GTPBP10: variants seen among roughly 807,000 people sequenced by gnomAD.
GTPBP10 encodes the protein GTP-binding protein 10.
Under a neutral mutation model 44.8 loss-of-function variants are expected in GTPBP10, and 38 were observed. The observed-to-expected ratio is 0.85, with a 90% confidence interval of 0.65 to 1.11. The LOEUF is 1.11. GTPBP10 is among the 50% of genes most tolerant of loss of function. The pLI, the probability that GTPBP10 is intolerant of heterozygous loss-of-function variation, is 0.00. For missense variants in GTPBP10, 462 were observed against 453.7 expected (o/e 1.02, Z -0.17); for synonymous variants, 152 against 150.6 (o/e 1.01, Z -0.07).
In GTPBP10 at chr7:90,391,170, A is replaced by G. The variant is rs1436189366; in HGVS notation, c.*6016A>G. ...TGAGCACACATGACCTTCCTTTCCTATAAAAATATGAAGCAGAAAACTCCC... is the reference window on the plus strand; with the variant it reads ...TGAGCACACATGACCTTCCTTTCCTGTAAAAATATGAAGCAGAAAACTCCC... On this transcript the variant is annotated 3_prime_UTR_variant, in exon 10 of 10. Transcript: ENST00000222511. 1.3e-5 allele frequency: 2 copies of G among 152,336 alleles called. No homozygotes were observed. The highest frequency in any genetic ancestry group is 6.5e-5 in the Admixed American group (1 of 15,304). The allele number at this position is 152,336 out of a possible 1,614,324, so 9.4% of individuals were successfully genotyped here. A position where few individuals can be genotyped will look rare whatever the true frequency, so the allele number is the denominator to read the frequency against.
In GTPBP10 at chr7:90,385,460, A is replaced by G. The variant is rs28757775; in HGVS notation, c.*306A>G. The G allele has an allele frequency of 0.011, 2,160 of 198,236 alleles. 59 individuals are homozygous for G. The highest frequency in any genetic ancestry group is 0.046 in the African/African-American group (1,971 of 43,118). The allele number at this position is 198,236 out of a possible 1,614,324, so 12.3% of individuals were successfully genotyped here. On this transcript the variant is annotated 3_prime_UTR_variant, in exon 10 of 10. Coordinates refer to ENST00000222511, the MANE Select transcript of GTPBP10 (RefSeq NM_033107.4). ...TACAGCTTGGTGACTGTAATTAACA[A>G]CAATGTATTTTGAAAGTCACTGAGT...
intron 4 of GTPBP10, among the ~76,000 whole-genome samples, chr7:90,357,735 A>G (rs1042571905): frequency 1.3e-5 from 2 of 152,206 alleles, no homozygotes; most frequent in Non-Finnish European, 1.5e-5. Flanking sequence ...TAATGAAAAT[A>G]TATGAATGAG....
At chr7:90,376,364 A>C (rs1241251925) in intron 6 of GTPBP10, among the ~76,000 whole-genome samples, 1 of 152,188 alleles carries the variant, frequency 6.6e-6, no homozygotes, top group Non-Finnish European at 1.5e-5. Flanking sequence ...CATTAAAAGT[A>C]ATGGCCAAAA....
chr7:90,381,862 C>T (rs963011742), intron 8 of GTPBP10, among the ~76,000 whole-genome samples: 6 of 152,148 alleles, frequency 3.9e-5, no homozygotes, highest in Non-Finnish European at 7.3e-5. Flanking sequence ...TGAATATCCA[C>T]ATGCAGAGAA....
Position 90,391,192 on chromosome 7 carries a change from T to A in GTPBP10, c.*6038T>A, listed in dbSNP as rs1416309429. 6.6e-6 allele frequency: 1 copy of A among 152,126 alleles called. No homozygotes were observed. The highest frequency in any genetic ancestry group is 1.9e-4 in the East Asian group (1 of 5,200). 9.4% of individuals were successfully genotyped at this position (152,126 alleles called of 1,614,324 possible). On this transcript the variant is annotated 3_prime_UTR_variant, in exon 10 of 10. Transcript: ENST00000222511. ...CCTATAAAAATATGAAGCAGAAAAC[T>A]CCCCCATGATTTCCTCATGTTGCTT...
Position 90,346,756 on chromosome 7 carries a change from T to G in GTPBP10, c.15T>G (p.Ser5Arg). The change falls in exon 1 of 10, where the codon AGT (serine) becomes AGG (arginine). Residue 5 changes from serine to arginine, a missense_variant. Physicochemically the swap from Ser to Arg is moderately radical, Grantham distance 110. Transcript: ENST00000222511. MVHC[S>R]CVLFRKYGNF... ...CTGTTGCAGCCATGGTGCATTGCAG[T>G]TGCGTGTTGTTCAGAAAGGTCCGTG... 6.2e-7 allele frequency: 1 copy of G among 1,614,234 alleles called. No homozygotes were observed. The highest frequency in any genetic ancestry group is 2.2e-5 in the East Asian group (1 of 44,884).
intron 1 of GTPBP10, among the ~76,000 whole-genome samples, chr7:90,348,463 G>C (rs1795724405): frequency 6.6e-6 from 1 of 152,062 alleles, no homozygotes; most frequent in African/African-American, 2.4e-5. Context: ...AATTAAGCTA[G>C]AGAAAAGAAA....
intron 4 of GTPBP10, among the ~76,000 whole-genome samples, chr7:90,360,775 G>C (rs1270143108): frequency 6.6e-6 from 1 of 152,162 alleles, no homozygotes; most frequent in Admixed American, 6.5e-5. Context: ...CGATGAGCAT[G>C]GAATGTTCTT....
chr7:90,365,217 C>T (rs547487349), intron 4 of GTPBP10, among the ~76,000 whole-genome samples: 4 of 152,240 alleles, frequency 2.6e-5, no homozygotes, highest in South Asian at 2.1e-4. Context: ...TCTTCTGCAT[C>T]GCTCGCACTG....
intron 6 of GTPBP10, among the ~76,000 whole-genome samples, chr7:90,375,956 G>A (rs1278433578): frequency 6.6e-6 from 1 of 151,966 alleles, no homozygotes; most frequent in Non-Finnish European, 1.5e-5. Context: ...GCCGGGTGTG[G>A]TGGCTTACAC....
At chr7:90,350,140 G>T (rs569575860) in intron 1 of GTPBP10, among the ~76,000 whole-genome samples, 5 of 152,138 alleles carry the variant, frequency 3.3e-5, no homozygotes, top group African/African-American at 1.2e-4. Flanking sequence ...TCATTGTTCA[G>T]TTCCCACCTA....
Position 90,388,535 on chromosome 7 carries a change from AT to A in GTPBP10, c.*3382del, listed in dbSNP as rs1280905839. On this transcript the variant is annotated 3_prime_UTR_variant, in exon 10 of 10. Coordinates refer to ENST00000222511, the MANE Select transcript of GTPBP10 (RefSeq NM_033107.4). ...ACTGAAAAATTCCAAAATACCTATT[AT>A]GTTGTGCTTTTTGTGATATATATTC... The A allele has an allele frequency of 5.3e-5, 8 of 152,148 alleles. No homozygotes were observed. The highest frequency in any genetic ancestry group is 1.9e-4 in the African/African-American group (8 of 41,436). 9.4% of individuals were successfully genotyped at this position (152,148 alleles called of 1,614,324 possible). A position where few individuals can be genotyped will look rare whatever the true frequency, so the allele number is the denominator to read the frequency against.
chr7:90,385,696 G>C lies in GTPBP10; in HGVS notation c.*542G>C, dbSNP rs192156253. On this transcript the variant is annotated 3_prime_UTR_variant, in exon 10 of 10. Coordinates refer to ENST00000222511, the MANE Select transcript of GTPBP10 (RefSeq NM_033107.4). ...TTAGTATTATTACCTTCTGATATAT[G>C]TGTCATTATTGAAGAACCATACCTT... The C allele has an allele frequency of 6.6e-6, 1 of 151,758 alleles. No individual in the cohort carries two copies. The highest frequency in any genetic ancestry group is 1.9e-4 in the East Asian group (1 of 5,184). 9.4% of individuals were successfully genotyped at this position (151,758 alleles called of 1,614,324 possible).
chr7:90,390,831 A>T lies in GTPBP10; in HGVS notation c.*5677A>T, dbSNP rs1796601308. 6.6e-6 allele frequency: 1 copy of T among 152,192 alleles called. No individual in the cohort carries two copies. Among genetic ancestry groups the T allele is most frequent in the Non-Finnish European group, 1.5e-5 (1 of 68,030 alleles). The allele number at this position is 152,192 out of a possible 1,614,324, so 9.4% of individuals were successfully genotyped here. On this transcript the variant is annotated 3_prime_UTR_variant, in exon 10 of 10. Coordinates refer to ENST00000222511, the MANE Select transcript of GTPBP10 (RefSeq NM_033107.4). The stretch of plus-strand genomic sequence containing the variant: ...GTATTATTTCTATATAAAAGGCTTT[A>T]AGAAGACTATAGTATAATTTTCTTA...
intron 4 of GTPBP10, among the ~76,000 whole-genome samples, chr7:90,361,901 T>G (rs1321909672): frequency 6.6e-6 from 1 of 152,240 alleles, no homozygotes; most frequent in Non-Finnish European, 1.5e-5. Flanking sequence ...CTTCTAGATT[T>G]TCTAGTTTAT....
At chr7:90,346,835 T>G in intron 1 of GTPBP10, 61 bp downstream of exon 1, 1 of 1,547,758 alleles carries the variant, frequency 6.5e-7, no homozygotes, top group South Asian at 1.1e-5. Flanking sequence ...TCTTCTTTGC[T>G]CCCCTGTCTC....
chr7:90,361,370 T>A lies in GTPBP10; in HGVS notation c.464+6140T>A, dbSNP rs1372683450. 2.6e-5 allele frequency among the ~76,000 whole-genome samples: 4 copies of A among 152,110 alleles called. No individual in the cohort carries two copies. The East Asian group carries it at 7.7e-4, about 29-fold the overall frequency. ...GCTGTTGAATTTTGTCAAAGGCCTT[T>A]TCTGCATCTATTGAGATAATCATGT... is the stretch of plus-strand genomic sequence containing the variant. On this transcript the variant is annotated intron_variant, in intron 4 of 9. Transcript: ENST00000222511.
intron 4 of GTPBP10, among the ~76,000 whole-genome samples, chr7:90,362,298 C>G (rs879995067): frequency 6.6e-6 from 1 of 152,006 alleles, no homozygotes; most frequent in African/African-American, 2.4e-5. Flanking sequence ...CTACACACTG[C>G]TTGAAATGTG....
In GTPBP10 at chr7:90,385,130, T is replaced by G; in HGVS notation, c.1140T>G (p.Thr380=). 6.2e-7 allele frequency: 1 copy of G among 1,606,688 alleles called. No individual in the cohort carries two copies. The highest frequency in any genetic ancestry group is 8.5e-7 in the Non-Finnish European group (1 of 1,175,580). ...STEPPSKHAV[T]TSKMDII is the part of the protein sequence containing the mutation. ...AGCCACCATCAAAGCATGCTGTTAC[T>G]ACTTCCAAAATGGATATAATTTAAA... Residue 380 remains threonine, a synonymous_variant, in exon 10 of 10, where the codon ACT becomes ACG. Coordinates refer to ENST00000222511, the MANE Select transcript of GTPBP10 (RefSeq NM_033107.4).
Sources: gnomAD v4.1 joint callset for allele counts (sites outside exome capture counted in the v4.1 genomes callset) on GRCh38, gnomAD v4.1.1 for gene constraint, MANE v1.5 for transcripts, NCBI Gene and HGNC (gene_info 2026-07-23, HGNC 2026-07-21) for gene names.